TLK2: variants seen among roughly 807,000 people sequenced by gnomAD.
TLK2 encodes the protein tousled like kinase 2, also known as serine/threonine-protein kinase tousled-like 2.
A neutral mutation model predicts 117.3 loss-of-function variants in TLK2; 6 were observed. That is an observed-to-expected ratio of 0.05 (90% CI 0.03 to 0.10). The LOEUF is 0.10. Among genes scored for constraint, TLK2 ranks in the 10% least tolerant of loss-of-function variants. The probability of loss-of-function intolerance (pLI) is 1.00; values close to 1 mark genes in which losing one functional copy is unlikely to be tolerated. For synonymous variants in TLK2, 257 were observed against 316.7 expected, an observed-to-expected ratio of 0.81 and a Z score of 2.00; for missense variants, 299 against 901.2, an observed-to-expected ratio of 0.33 and a Z score of 8.56.
chr17:62,604,706 C>G (rs965560071), intron 19 of TLK2, among the ~76,000 whole-genome samples: 1 of 151,078 alleles, frequency 6.6e-6, no homozygotes, highest in Non-Finnish European at 1.5e-5. Context: ...GTCAAGAGAT[C>G]GAGACCATCC....
chr17:62,517,316 C>G (rs1322553753), intron 2 of TLK2, among the ~76,000 whole-genome samples: 1 of 152,224 alleles, frequency 6.6e-6, no homozygotes, highest in Admixed American at 6.5e-5. Flanking sequence ...CCATTCTTTT[C>G]CATTGATATC....
intron 7 of TLK2, among the ~76,000 whole-genome samples, chr17:62,543,816 G>C (rs775762742): frequency 2.0e-5 from 3 of 152,172 alleles, no homozygotes; most frequent in Non-Finnish European, 4.4e-5. Context: ...GTGAAGTACA[G>C]AAGTTTTTAA....
At chr17:62,490,873 C>G (rs1249886458) in intron 2 of TLK2, among the ~76,000 whole-genome samples, 1 of 152,140 alleles carries the variant, frequency 6.6e-6, no homozygotes. Flanking sequence ...AGAATTTAAT[C>G]TGCAAATGAC....
intron 16 of TLK2, among the ~76,000 whole-genome samples, chr17:62,590,365 G>A (rs2081985222): frequency 6.6e-6 from 1 of 152,088 alleles, no homozygotes; most frequent in Non-Finnish European, 1.5e-5. Flanking sequence ...CTTGAACCCA[G>A]GAGGCAGAGG....
chr17:62,537,339 C>G (rs755538093), intron 7 of TLK2, among the ~76,000 whole-genome samples: 15 of 152,330 alleles, frequency 9.8e-5, no homozygotes, highest in Middle Eastern at 6.8e-3. Flanking sequence ...GTTATGATAG[C>G]TTTACCTTAA....
At chr17:62,603,443 T>C (rs1443752483) in intron 19 of TLK2, among the ~76,000 whole-genome samples, 2 of 152,218 alleles carry the variant, frequency 1.3e-5, no homozygotes, top group Non-Finnish European at 1.5e-5. Context: ...TACAAAAATA[T>C]CTGCTGCTGG....
chr17:62,550,730 T>C (rs749172891), intron 7 of TLK2: 1 of 152,250 alleles, frequency 6.6e-6, no homozygotes, highest in Non-Finnish European at 1.5e-5. Flanking sequence ...AACCCCCAGT[T>C]CTGGTCACCC....
intron 2 of TLK2, among the ~76,000 whole-genome samples, chr17:62,500,314 A>G (rs2074084472): frequency 6.6e-6 from 1 of 151,332 alleles, no homozygotes; most frequent in South Asian, 2.1e-4. Flanking sequence ...CTAAGTATAA[A>G]CACTAAGTAT....
chr17:62,477,131 T>C (rs2071073923), upstream of TLK2, among the ~76,000 whole-genome samples: 1 of 152,106 alleles, frequency 6.6e-6, no homozygotes, highest in South Asian at 2.1e-4. Context: ...TGTCATTTGA[T>C]GGAGTTGCTT....
chr17:62,487,294 A>G (rs1262910653), intron 2 of TLK2, among the ~76,000 whole-genome samples: 3 of 150,486 alleles, frequency 2.0e-5, no homozygotes, highest in Non-Finnish European at 4.4e-5. Flanking sequence ...TCTGTCTCAA[A>G]AAAAAAAAAA....
At chr17:62,538,833 T>A (rs1285158838) in intron 7 of TLK2, among the ~76,000 whole-genome samples, 1 of 152,164 alleles carries the variant, frequency 6.6e-6, no homozygotes, top group South Asian at 2.1e-4. Flanking sequence ...AGCTTAGTAG[T>A]ATAAGGAAAG....
At chr17:62,595,008 C>T (rs1009283440) in intron 16 of TLK2, among the ~76,000 whole-genome samples, 1 of 152,194 alleles carries the variant, frequency 6.6e-6, no homozygotes, top group Non-Finnish European at 1.5e-5. Flanking sequence ...ATCACCCAGG[C>T]TAGAGTGCCA....
At chr17:62,549,533 A>G (rs905247229) in intron 7 of TLK2, among the ~76,000 whole-genome samples, 2 of 151,224 alleles carry the variant, frequency 1.3e-5, no homozygotes, top group South Asian at 2.1e-4. Context: ...CTAGTGCATT[A>G]TAATACTTGA....
chr17:62,587,787 G>A (rs1357462053), intron 16 of TLK2, among the ~76,000 whole-genome samples: 1 of 151,874 alleles, frequency 6.6e-6, no homozygotes, highest in Admixed American at 6.6e-5. Context: ...GCACACCGTA[G>A]TGAGTGCCAG....
At chr17:62,526,869 C>T (rs1437035174) in intron 6 of TLK2, among the ~76,000 whole-genome samples, 1 of 152,166 alleles carries the variant, frequency 6.6e-6, no homozygotes, top group Non-Finnish European at 1.5e-5. Flanking sequence ...CCTTGTTTCA[C>T]CTAGTCTTAA....
intron 2 of TLK2, among the ~76,000 whole-genome samples, chr17:62,510,042 G>A (rs915907037): frequency 4.6e-5 from 7 of 152,212 alleles, no homozygotes; most frequent in Non-Finnish European, 5.9e-5. Flanking sequence ...ACTTTCGGAG[G>A]TAGAGGCGAG....
chr17:62,567,172 T>C (rs2079862773), intron 11 of TLK2, among the ~76,000 whole-genome samples: 1 of 152,108 alleles, frequency 6.6e-6, no homozygotes, highest in Non-Finnish European at 1.5e-5. Context: ...AGGTGAGTCA[T>C]GCAGTGAGCC....
intron 17 of TLK2, among the ~76,000 whole-genome samples, chr17:62,597,851 A>G (rs112166151): frequency 2.6e-5 from 4 of 152,340 alleles, no homozygotes; most frequent in Non-Finnish European, 5.9e-5. Context: ...TTAGCTGGAT[A>G]TATCTCAGCA....
intron 19 of TLK2, among the ~76,000 whole-genome samples, chr17:62,603,699 T>C (rs1050023601): frequency 2.0e-5 from 3 of 152,190 alleles, no homozygotes; most frequent in Admixed American, 6.5e-5. Flanking sequence ...TTGATAATTC[T>C]TGAAGCTGGA....
Sources: gnomAD v4.1 joint callset for allele counts (sites outside exome capture counted in the v4.1 genomes callset) on GRCh38, gnomAD v4.1.1 for gene constraint, MANE v1.5 for transcripts, NCBI Gene and HGNC (gene_info 2026-07-23, HGNC 2026-07-21) for gene names.